Variants in TOM1L2 observed in about 807,000 individuals in gnomAD.
The protein encoded by TOM1L2 is target of myb1 like 2 membrane trafficking protein.
In TOM1L2, 31 loss-of-function variants were observed where a neutral mutation model predicts 67.9. The ratio of observed to expected loss-of-function variants is 0.46; its 90% CI spans 0.34 to 0.62. TOM1L2 has a LOEUF of 0.62. Among genes scored for constraint, TOM1L2 ranks in the 20% least tolerant of loss-of-function variants. The pLI is 0.01. For synonymous variants in TOM1L2, 256 were observed against 254.0 expected (o/e 1.01, Z -0.07); for missense variants, 606 against 663.5 (o/e 0.91, Z 0.95).
At chr17:17,869,216 GAGTATTTTC>G in intron 8 of TOM1L2, 115 bp downstream of exon 8, 2 of 1,518,086 alleles carry the variant, frequency 1.3e-6, no homozygotes, top group African/African-American at 2.8e-5. Flanking sequence ...CATCTCTGAT[GAGTATTTTC>G]CAACTCTAAT....
intron 1 of TOM1L2, among the ~76,000 whole-genome samples, chr17:17,969,969 T>C (rs1210131134): frequency 6.6e-6 from 1 of 152,180 alleles, no homozygotes; most frequent in Non-Finnish European, 1.5e-5. Context: ...AAATTCAACT[T>C]AGGTCTCCCT....
At chr17:17,954,335 G>A (rs2041339000) in intron 1 of TOM1L2, among the ~76,000 whole-genome samples, 2 of 132,226 alleles carry the variant, frequency 1.5e-5, no homozygotes, top group South Asian at 2.4e-4. Flanking sequence ...TTTTTGTGAT[G>A]GAGCTTCGCT....
In TOM1L2 at chr17:17,884,778, T is replaced by C. The variant is rs547667138; in HGVS notation, c.367-10A>G. 1.5e-5 allele frequency: 24 copies of C among 1,613,060 alleles called. No individual in the cohort carries two copies. In the Admixed American group the frequency reaches 1.8e-4, roughly 12 times the overall value. On this transcript the variant is annotated splice_polypyrimidine_tract_variant and intron_variant, in intron 4 of 14. Transcript: ENST00000379504. ...AGGCATCAGCCCATGCCTGGGATAA[T>C]AGAAGGCCTGTTAGGAAGCATTTCT...
chr17:17,892,776 G>A (rs1167633367), intron 4 of TOM1L2, among the ~76,000 whole-genome samples: 2 of 152,134 alleles, frequency 1.3e-5, no homozygotes, highest in African/African-American at 4.8e-5. Context: ...CTAACAAATA[G>A]AATATAACAG....
chr17:17,965,755 G>C (rs1168146933), intron 1 of TOM1L2, among the ~76,000 whole-genome samples: 1 of 152,184 alleles, frequency 6.6e-6, no homozygotes, highest in Non-Finnish European at 1.5e-5. Context: ...AGGATCGAAT[G>C]ACTGCAAGAT....
At chr17:17,933,532 AC>A (rs1005734119) in intron 1 of TOM1L2, among the ~76,000 whole-genome samples, 4 of 151,910 alleles carry the variant, frequency 2.6e-5, no homozygotes, top group African/African-American at 9.7e-5. Flanking sequence ...CTTTCCCTTG[AC>A]CCCCATCAAT....
At chr17:17,873,987 G>A (rs1315986573) in intron 7 of TOM1L2, among the ~76,000 whole-genome samples, 3 of 150,130 alleles carry the variant, frequency 2.0e-5, no homozygotes, top group African/African-American at 7.4e-5. Flanking sequence ...TGGGAGTCTC[G>A]CTCTGTCGCC....
At chr17:17,899,760 T>A (rs905445178) in intron 2 of TOM1L2, among the ~76,000 whole-genome samples, 3 of 152,234 alleles carry the variant, frequency 2.0e-5, no homozygotes, top group Non-Finnish European at 1.5e-5. Context: ...TGTGTCAATA[T>A]ACTGGTCTTT....
At chr17:17,892,103 G>A (rs1293025862) in intron 4 of TOM1L2, among the ~76,000 whole-genome samples, 1 of 152,172 alleles carries the variant, frequency 6.6e-6, no homozygotes, top group African/African-American at 2.4e-5. Context: ...GAGACAGAGA[G>A]TGTGTGTGCT....
At chr17:17,908,902 G>GC (rs1172611436) in intron 1 of TOM1L2, among the ~76,000 whole-genome samples, 1 of 152,218 alleles carries the variant, frequency 6.6e-6, no homozygotes, top group Admixed American at 6.5e-5. Flanking sequence ...GAATTACCCA[G>GC]CCAGGCGCGG....
chr17:17,912,887 C>T (rs986540604), intron 1 of TOM1L2, among the ~76,000 whole-genome samples: 1 of 152,174 alleles, frequency 6.6e-6, no homozygotes, highest in African/African-American at 2.4e-5. Context: ...GCACTCCAGC[C>T]GGGGCACCAC....
At chr17:17,895,516 A>G (rs1460177272) in intron 3 of TOM1L2, among the ~76,000 whole-genome samples, 1 of 152,226 alleles carries the variant, frequency 6.6e-6, no homozygotes, top group Non-Finnish European at 1.5e-5. Flanking sequence ...GTTTTATCCA[A>G]TTCTCACAAC....
chr17:17,863,046 T>C (rs1279395857), intron 10 of TOM1L2, among the ~76,000 whole-genome samples, 198 bp from the exon 11 acceptor site: 2 of 152,130 alleles, frequency 1.3e-5, no homozygotes, highest in African/African-American at 4.8e-5. Context: ...GAACAGCCAC[T>C]GCCCCTCAAA....
At chr17:17,948,246 T>C (rs1328574111) in intron 1 of TOM1L2, among the ~76,000 whole-genome samples, 1 of 152,178 alleles carries the variant, frequency 6.6e-6, no homozygotes, top group Non-Finnish European at 1.5e-5. Flanking sequence ...GATACCAAGA[T>C]AAATACGCCC....
In TOM1L2 at chr17:17,972,382, G is replaced by GAC; in HGVS notation, c.-71_-70dup. ...CCTAGGCCTCCGCTGTAACCCGCCG[G>GAC]ACTCCCGTCCTGACTGACACTTGCC... On this transcript the variant is annotated 5_prime_UTR_variant, in exon 1 of 15. Coordinates refer to ENST00000379504, the MANE Select transcript of TOM1L2 (RefSeq NM_001082968.2). 6.5e-7 allele frequency: 1 copy of GAC among 1,543,836 alleles called. No individual in the cohort carries two copies. The highest frequency in any genetic ancestry group is 2.5e-5 in the East Asian group (1 of 40,756).
intron 3 of TOM1L2, among the ~76,000 whole-genome samples, chr17:17,897,176 T>A (rs1215860257): frequency 6.6e-6 from 1 of 152,224 alleles, no homozygotes; most frequent in Non-Finnish European, 1.5e-5. Context: ...AATTCCCTGA[T>A]ATATTAGAGC....
At chr17:17,934,626 C>A (rs941268890) in intron 1 of TOM1L2, among the ~76,000 whole-genome samples, 2 of 152,110 alleles carry the variant, frequency 1.3e-5, no homozygotes, top group African/African-American at 4.8e-5. Context: ...CCTAAAAATA[C>A]ATATTTATTT....
intron 2 of TOM1L2, 90 bp from the exon 3 acceptor site, chr17:17,898,764 T>C: frequency 1.6e-6 from 2 of 1,290,270 alleles, no homozygotes; most frequent in Admixed American, 3.6e-5. Flanking sequence ...TATGCAAGAC[T>C]ATTTGCTGGC....
At chr17:17,929,364 GTGGTGGCTCACGCC>G (rs1027778493) in intron 1 of TOM1L2, among the ~76,000 whole-genome samples, 18 of 152,312 alleles carry the variant, frequency 1.2e-4, no homozygotes, top group Middle Eastern at 3.4e-3. Context: ...GAGCCTGGGC[GTGGTGGCTCACGCC>G]TGTAATCCCA....
Sources: gnomAD v4.1 joint callset for allele counts (sites outside exome capture counted in the v4.1 genomes callset) on GRCh38, gnomAD v4.1.1 for gene constraint, MANE v1.5 for transcripts, NCBI Gene and HGNC (gene_info 2026-07-23, HGNC 2026-07-21) for gene names.